The following OR7C1 variants were observed in gnomAD, a reference collection of about 807,000 sequenced individuals.
OR7C1 encodes the protein olfactory receptor 7C1.
For missense variants in OR7C1, 324 were observed against 383.3 expected (o/e 0.85, Z 1.29); for synonymous variants, 152 against 160.7 (o/e 0.95, Z 0.41).
Position 14,820,910 on chromosome 19 carries a change from A to C in OR7C1, c.-622-10917T>G, listed in dbSNP as rs117506135. ...CTGGGAATTACAAAGAACAGATCCC[A>C]CAAGGAAAAGTGAGAGAAAGGCCTG... is the stretch of plus-strand genomic sequence containing the variant. On this transcript the variant is annotated intron_variant, in intron 1 of 4. Coordinates refer to ENST00000641666, the Ensembl canonical transcript of OR7C1. Among the ~76,000 whole-genome samples the C allele has an allele frequency of 2.7e-3, 412 of 152,322 alleles. 1 individual carries two copies. The highest frequency in any genetic ancestry group is 2.9e-3 in the Non-Finnish European group (196 of 68,032).
intron 1 of OR7C1, chr19:14,827,080 A>G: frequency 4.5e-6 from 2 of 446,874 alleles, no homozygotes; most frequent in Admixed American, 8.0e-5. Context: ...AAGTAGGAAA[A>G]CAACAAAGAG....
chr19:14,802,559 T>C (rs1361399282), intron 2 of OR7C1, among the ~76,000 whole-genome samples: 1 of 152,208 alleles, frequency 6.6e-6, no homozygotes, highest in Non-Finnish European at 1.5e-5. Flanking sequence ...TCCAATGGAC[T>C]GCTGAAGGAA....
chr19:14,806,360 A>G (rs1240320103), intron 2 of OR7C1, among the ~76,000 whole-genome samples: 1 of 152,000 alleles, frequency 6.6e-6, no homozygotes, highest in Non-Finnish European at 1.5e-5. Context: ...TTATGCCTTC[A>G]TGTCAGGAAT....
chr19:14,823,298 A>T (rs1423667002), intron 1 of OR7C1, among the ~76,000 whole-genome samples: 1 of 151,214 alleles, frequency 6.6e-6, no homozygotes. Context: ...ACTAAAAATA[A>T]AAAATTAGGT....
At chr19:14,799,016 T>G (rs2044624998) in exon 5 of OR7C1, 2 of 833,602 alleles carry the variant, frequency 2.4e-6, no homozygotes, top group Admixed American at 3.4e-5. Flanking sequence ...TGCCAAGGAC[T>G]CTGTGGCCCT....
At chr19:14,820,885 C>T (rs1320835463) in intron 1 of OR7C1, among the ~76,000 whole-genome samples, 1 of 152,128 alleles carries the variant, frequency 6.6e-6, no homozygotes, top group East Asian at 1.9e-4. Flanking sequence ...AACTCAATAC[C>T]TGGGAATTAC....
intron 1 of OR7C1, among the ~76,000 whole-genome samples, chr19:14,833,242 G>T (rs2044851459): frequency 6.6e-6 from 1 of 152,238 alleles, no homozygotes; most frequent in Admixed American, 6.5e-5. Context: ...AGTTTGGAAG[G>T]TCCAGGTGGG....
chr19:14,827,916 C>T lies in OR7C1; in HGVS notation c.-623+7158G>A, dbSNP rs151164893. On this transcript the variant is annotated intron_variant, in intron 1 of 4. Transcript: ENST00000641666. ...CACGGACAGGAGGAAGTTTTCAAAT[C>T]CAGCAAAGAGTATGAAAAAATACAT... is the stretch of plus-strand genomic sequence containing the variant. The T allele has an allele frequency of 4.9e-3, 7,868 of 1,614,156 alleles. 28 individuals are homozygous for T. Among genetic ancestry groups the T allele is most frequent in the Non-Finnish European group, 5.5e-3 (6,512 of 1,180,026 alleles).
chr19:14,805,573 A>C (rs1182954727), intron 2 of OR7C1, among the ~76,000 whole-genome samples: 3 of 151,430 alleles, frequency 2.0e-5, no homozygotes, highest in Non-Finnish European at 2.9e-5. Context: ...GTGCCACCAC[A>C]GCCGGCCTTG....
intron 1 of OR7C1, chr19:14,827,367 A>T (rs2044778334): frequency 1.2e-6 from 2 of 1,609,286 alleles, no homozygotes; most frequent in African/African-American, 2.7e-5. Flanking sequence ...TTTATTCCTC[A>T]GACTATAGAT....
chr19:14,811,754 A>C (rs2044691900), intron 1 of OR7C1, among the ~76,000 whole-genome samples: 1 of 151,930 alleles, frequency 6.6e-6, no homozygotes, highest in Non-Finnish European at 1.5e-5. Flanking sequence ...ATTTAAAGAA[A>C]AGTTAAATAT....
chr19:14,819,157 T>A lies in OR7C1; in HGVS notation c.-622-9164A>T, dbSNP rs550990622. 8.5e-5 allele frequency among the ~76,000 whole-genome samples: 13 copies of A among 152,254 alleles called. 1 individual carries two copies. The South Asian group carries it at 1.0e-3, about 12-fold the overall frequency. On this transcript the variant is annotated intron_variant, in intron 1 of 4. Coordinates refer to ENST00000641666, the Ensembl canonical transcript of OR7C1. ...TTTTTGCAATCAGATCTATTTTTTT[T>A]AAATTTAAAATTTTATTTTAATTTC...
At chr19:14,798,903 A>C (rs2044624239) in exon 5 of OR7C1, 1 of 301,804 alleles carries the variant, frequency 3.3e-6, no homozygotes, top group Admixed American at 4.6e-5. Flanking sequence ...CACTCATGCA[A>C]GCTTCCAGCT....
At chr19:14,799,699 C>T (rs2044630164) in exon 5 of OR7C1, 1 of 1,613,944 alleles carries the variant, frequency 6.2e-7, no homozygotes, top group Admixed American at 1.7e-5. Context: ...ACCAGGACCC[C>T]AGAACCAGCA....
intron 2 of OR7C1, among the ~76,000 whole-genome samples, chr19:14,809,588 C>G (rs1019713203): frequency 1.3e-5 from 2 of 151,386 alleles, no homozygotes; most frequent in African/African-American, 4.9e-5. Flanking sequence ...AGATTGAAAG[C>G]AAGAAGAAAC....
At chr19:14,812,093 G>T (rs2044693506) in intron 1 of OR7C1, among the ~76,000 whole-genome samples, 1 of 150,112 alleles carries the variant, frequency 6.7e-6, no homozygotes, top group Non-Finnish European at 1.5e-5. Context: ...AGGCTGGGAT[G>T]GTTCTACTCC....
chr19:14,805,324 C>G (rs1404473768), intron 2 of OR7C1, among the ~76,000 whole-genome samples: 3 of 150,510 alleles, frequency 2.0e-5, no homozygotes. Flanking sequence ...CTGGTGCCTT[C>G]TGTAATCTAG....
At chr19:14,814,939 C>T (rs549622230) in intron 1 of OR7C1, among the ~76,000 whole-genome samples, 38 of 152,262 alleles carry the variant, frequency 2.5e-4, no homozygotes, top group African/African-American at 8.7e-4. Flanking sequence ...AATAAGATAC[C>T]CAATTATAAG....
intron 1 of OR7C1, among the ~76,000 whole-genome samples, chr19:14,818,062 T>TTTAA (rs1555695177): frequency 7.2e-6 from 1 of 139,460 alleles, no homozygotes; most frequent in Non-Finnish European, 1.5e-5. Flanking sequence ...ATTTTATTTA[T>TTTAA]TTTATTTATT....
Sources: allele counts gnomAD v4.1 joint callset (sites outside exome capture counted in the v4.1 genomes callset), GRCh38; gene constraint gnomAD v4.1.1; transcripts MANE v1.5; gene names NCBI Gene and HGNC (gene_info 2026-07-23, HGNC 2026-07-21).